The following SNX6 variants were observed in gnomAD, a reference collection of about 807,000 sequenced individuals.
SNX6 encodes the protein sorting nexin 6.
SNX6 carries 34 observed loss-of-function variants against 63.0 expected under a neutral mutation model. That is an observed-to-expected ratio of 0.54 (90% confidence interval 0.41 to 0.72). SNX6 has a LOEUF of 0.72. Ranked by LOEUF, SNX6 falls within the 30% of genes least tolerant of loss-of-function variation. The probability of loss-of-function intolerance (pLI) is 0.00; values close to 1 mark genes in which losing one functional copy is unlikely to be tolerated. For missense variants in SNX6, 398 were observed against 471.4 expected (o/e 0.84, Z 1.44); for synonymous variants, 170 against 164.2 (o/e 1.04, Z -0.27).
At chr14:34,612,454 A>G (rs1003906409) in intron 2 of SNX6, among the ~76,000 whole-genome samples, 3 of 149,490 alleles carry the variant, frequency 2.0e-5, no homozygotes, top group African/African-American at 7.3e-5. Context: ...TTTTTTTGAG[A>G]TGGAGTCTCA....
chr14:34,575,291 C>G (rs1429466515), intron 11 of SNX6, among the ~76,000 whole-genome samples: 11 of 151,562 alleles, frequency 7.3e-5, no homozygotes. Context: ...ACCTCTGCCT[C>G]CCGGGTTCAA....
intron 6 of SNX6, 59 bp downstream of exon 6, chr14:34,603,285 CAAAA>C: frequency 8.6e-7 from 1 of 1,163,116 alleles, no homozygotes; most frequent in Non-Finnish European, 1.2e-6. Flanking sequence ...GATTCCGTCT[CAAAA>C]AAAAAAAGAA....
At chr14:34,617,052 A>AGTGCAC (rs1327651366) in intron 2 of SNX6, among the ~76,000 whole-genome samples, 7 of 152,198 alleles carry the variant, frequency 4.6e-5, no homozygotes, top group African/African-American at 1.7e-4. Flanking sequence ...ACTGCACTCC[A>AGTGCAC]GCCTGGTCAA....
chr14:34,581,508 A>G (rs1323606987), intron 10 of SNX6, 53 bp downstream of exon 10: 2 of 1,025,868 alleles, frequency 1.9e-6, no homozygotes, highest in Non-Finnish European at 2.9e-6. Flanking sequence ...CTTTAACATG[A>G]GCTCTCTCTG....
chr14:34,568,017 T>C lies in SNX6; in HGVS notation c.922-4A>G, dbSNP rs771850249. 9.3e-6 allele frequency: 15 copies of C among 1,609,636 alleles called. No homozygotes were observed. The highest frequency in any genetic ancestry group is 1.3e-5 in the Non-Finnish European group (15 of 1,179,172). ...TAGACCTTCGATACAGGAGATCCTATAAAACAGAATGCTTCACAATAGTAT... is the reference window on the plus strand; with the variant it reads ...TAGACCTTCGATACAGGAGATCCTACAAAACAGAATGCTTCACAATAGTAT... On this transcript the variant is annotated splice_polypyrimidine_tract_variant and splice_region_variant and intron_variant, in intron 11 of 13. Transcript: ENST00000362031.
chr14:34,563,401 T>C (rs1028650971), intron 13 of SNX6, among the ~76,000 whole-genome samples: 1 of 151,570 alleles, frequency 6.6e-6, no homozygotes, highest in Non-Finnish European at 1.5e-5. Flanking sequence ...TACTAAAAAA[T>C]ACAAAAAATT....
intron 11 of SNX6, chr14:34,568,965 G>C (rs1793571853): frequency 7.1e-7 from 1 of 1,405,316 alleles, no homozygotes; most frequent in African/African-American, 1.4e-5. Context: ...CAGCTCGCGT[G>C]TACAACCAGT....
chr14:34,616,158 G>A (rs1317626000), intron 2 of SNX6, among the ~76,000 whole-genome samples: 1 of 152,054 alleles, frequency 6.6e-6, no homozygotes, highest in African/African-American at 2.4e-5. Flanking sequence ...GTTTCACAAT[G>A]TTGGCCAGGA....
At chr14:34,596,427 T>C (rs1044697051) in intron 7 of SNX6, among the ~76,000 whole-genome samples, 1 of 151,576 alleles carries the variant, frequency 6.6e-6, no homozygotes, top group Non-Finnish European at 1.5e-5. Context: ...GAGACCAGCC[T>C]GGCCAACATG....
intron 6 of SNX6, among the ~76,000 whole-genome samples, chr14:34,599,631 G>T (rs61259629): frequency 6.6e-6 from 1 of 151,324 alleles, no homozygotes; most frequent in South Asian, 2.1e-4. Flanking sequence ...AAAATTAGCC[G>T]GGCATGGTGA....
intron 1 of SNX6, 46 bp from the exon 2 acceptor site, chr14:34,630,000 G>C: frequency 6.6e-7 from 1 of 1,519,558 alleles, no homozygotes; most frequent in Non-Finnish European, 8.8e-7. Flanking sequence ...GGATGAGATG[G>C]GGGAGACACA....
intron 11 of SNX6, 71 bp from the exon 12 acceptor site, chr14:34,568,084 TCAC>T (rs1881271658): frequency 1.0e-5 from 13 of 1,264,954 alleles, no homozygotes; most frequent in Non-Finnish European, 1.3e-5. Flanking sequence ...GCCACCACTG[TCAC>T]CACCACCACA....
intron 11 of SNX6, among the ~76,000 whole-genome samples, chr14:34,570,062 G>T (rs7148131): frequency 0.4 from 59,823 of 148,966 alleles, 12,491 homozygotes; most frequent in African/African-American, 0.51. Flanking sequence ...TTTTTTTGGG[G>T]TTTTTTTTTT....
intron 8 of SNX6, among the ~76,000 whole-genome samples, chr14:34,586,739 G>A (rs993767600): frequency 4.7e-5 from 6 of 128,034 alleles, no homozygotes; most frequent in African/African-American, 3.1e-5. Flanking sequence ...GTCGGGCGCA[G>A]TAGCTCATGC....
chr14:34,620,586 T>TCTGACCACTCCTTTCTTAAA (rs1436877779), intron 2 of SNX6, among the ~76,000 whole-genome samples: 3 of 152,154 alleles, frequency 2.0e-5, no homozygotes, highest in African/African-American at 7.2e-5. Flanking sequence ...TTGGTATCAT[T>TCTGACCACTCCTTTCTTAAA]CTGACCACTC....
chr14:34,600,686 T>C (rs1243985004), intron 6 of SNX6, among the ~76,000 whole-genome samples: 2 of 152,154 alleles, frequency 1.3e-5, no homozygotes, highest in Non-Finnish European at 2.9e-5. Context: ...CCAAGATTTG[T>C]ATCAGTCATT....
At position 34,570,721 on chromosome 14, in the gene SNX6, T is replaced by TTC. The variant is rs201688393; in HGVS notation, c.922-2710_922-2709dup. Among the ~76,000 whole-genome samples, 125 of 53,478 alleles carry TTC rather than the reference T, an allele frequency of 2.3e-3. 3 individuals carry two copies. The highest frequency in any genetic ancestry group is 0.016 in the East Asian group (18 of 1,146). The allele number at this position is 53,478 out of a possible 152,430, so 35.1% of individuals were successfully genotyped here. A position where few individuals can be genotyped will look rare whatever the true frequency, so the allele number is the denominator to read the frequency against. ...CGGGTGTGAGCCACCGCACCTGGCC[T>TTC]TCTCTTTTTTTTTTTTTTTTGAGAT... On this transcript the variant is annotated intron_variant, in intron 11 of 13. Transcript: ENST00000362031.
rs539993636 is a variant in SNX6 at position 34,587,299 on chromosome 14, A to G, written c.719-994T>C. The stretch of plus-strand genomic sequence containing the variant: ...TGTAATCCCAGCACTTTGGGAGGCC[A>G]AGGCGGGCAGATCATGAGGTTAGGA... On this transcript the variant is annotated intron_variant, in intron 8 of 13. Coordinates refer to ENST00000362031, the MANE Select transcript of SNX6 (RefSeq NM_152233.4). Among the ~76,000 whole-genome samples the G allele has an allele frequency of 5.2e-3, 784 of 151,730 alleles. 5 individuals are homozygous for G. The highest frequency in any genetic ancestry group is 8.5e-3 in the Non-Finnish European group (574 of 67,920).
At chr14:34,587,387 G>A (rs1030001162) in intron 8 of SNX6, among the ~76,000 whole-genome samples, 1 of 151,698 alleles carries the variant, frequency 6.6e-6, no homozygotes, top group African/African-American at 2.4e-5. Flanking sequence ...AAAAGAATTA[G>A]CCGAGTGTGG....
Sources: gnomAD v4.1 joint callset for allele counts (sites outside exome capture counted in the v4.1 genomes callset) on GRCh38, gnomAD v4.1.1 for gene constraint, MANE v1.5 for transcripts, NCBI Gene and HGNC (gene_info 2026-07-23, HGNC 2026-07-21) for gene names.